MAP3K2: variants seen among roughly 807,000 people sequenced by gnomAD.
MAP3K2 encodes the protein mitogen-activated protein kinase kinase kinase 2.
MAP3K2 carries 24 observed loss-of-function variants against 80.3 expected under a neutral mutation model. The ratio of observed to expected loss-of-function variants is 0.30; its 90% CI spans 0.22 to 0.42. The LOEUF is 0.42. Ranked by LOEUF, MAP3K2 falls within the 10% of genes least tolerant of loss-of-function variation. The probability of loss-of-function intolerance (pLI) is 1.00; values close to 1 mark genes in which losing one functional copy is unlikely to be tolerated. For missense variants in MAP3K2, 608 were observed against 750.1 expected (o/e 0.81, Z 2.21); for synonymous variants, 244 against 253.7 (o/e 0.96, Z 0.36).
chr2:127,378,284 C>A (rs1687183270), intron 1 of MAP3K2: 1 of 258,050 alleles, frequency 3.9e-6, no homozygotes, highest in Non-Finnish European at 6.1e-6. Flanking sequence ...GTTTAAATAT[C>A]TGTATAATAC....
chr2:127,345,459 G>A (rs750955246), intron 1 of MAP3K2, among the ~76,000 whole-genome samples: 15 of 152,096 alleles, frequency 9.9e-5, no homozygotes, highest in Admixed American at 6.6e-4. Flanking sequence ...GTTCAATAAC[G>A]GATAAAATAA....
At position 127,329,965 on chromosome 2, in the gene MAP3K2, T is replaced by C. The variant is rs1453476265; in HGVS notation, c.422A>G (p.Asn141Ser). ...EPLPSLEDLD[N>S]TVFGAERKKR... ...TTTCCTCTCTGCTCCAAATACTGTA[T>C]TATCCAAATCTTCTAGTGATGGCAA... Residue 141 changes from asparagine to serine, a missense_variant, in exon 7 of 17, where the codon AAT (asparagine) becomes AGT (serine). Physicochemically the swap from Asn to Ser is conservative, Grantham distance 46. Around this residue, in one of 4 missense-constraint regions of MAP3K2, gnomAD observed 467 missense variants for 521.9 expected, o/e 0.89. Transcript: ENST00000682094. The C allele has an allele frequency of 1.9e-6, 3 of 1,610,012 alleles. No individual in the cohort carries two copies. In the African/African-American group the frequency reaches 4.0e-5, roughly 22 times the overall value.
At chr2:127,341,532 T>TTTTTTTTTTTGGTTTTTTTGTTGTTG (rs1686489714) in intron 2 of MAP3K2, among the ~76,000 whole-genome samples, 1 of 56,570 alleles carries the variant, frequency 1.8e-5, no homozygotes, top group African/African-American at 5.9e-5. Context: ...TTTTTGTTGT[T>TTTTTTTTTTTGGTTTTTTTGTTGTTG]TTTTTTTTTT....
intron 2 of MAP3K2, among the ~76,000 whole-genome samples, chr2:127,342,385 G>C (rs950322815): frequency 1.5e-4 from 14 of 96,304 alleles, no homozygotes; most frequent in Non-Finnish European, 2.8e-4. Flanking sequence ...AGTTCTTCAT[G>C]AGGGTGTGTG....
intron 1 of MAP3K2, among the ~76,000 whole-genome samples, chr2:127,345,907 G>A (rs1481460682): frequency 1.3e-5 from 2 of 151,794 alleles, no homozygotes; most frequent in Non-Finnish European, 2.9e-5. Context: ...AAACAAGAAG[G>A]ATGTCAAATC....
intron 1 of MAP3K2, among the ~76,000 whole-genome samples, chr2:127,343,816 G>A (rs1183267610): frequency 6.6e-6 from 1 of 152,018 alleles, no homozygotes; most frequent in Non-Finnish European, 1.5e-5. Flanking sequence ...CCAGGAGTTC[G>A]AGACCAGCCT....
In MAP3K2 at chr2:127,338,942, G is replaced by A. The variant is rs772563069; in HGVS notation, c.113C>T (p.Pro38Leu). The change falls in exon 3 of 17, where the codon CCA (proline) becomes CTA (leucine). Residue 38 changes from proline (P) to leucine (L), a missense_variant. Pro to Leu is a moderately conservative substitution (Grantham distance 98). Transcript: ENST00000682094. ...TATTAAAATAAATACCTGTTTTTTT[G>A]GTGATGAAGATTTTGCTTTTCTGGT... ...QETRKAKSSSPKKQNDVRVKF... is the reference protein window; with the variant it reads ...QETRKAKSSSLKKQNDVRVKF... 3.1e-6 allele frequency: 5 copies of A among 1,597,844 alleles called. No homozygotes were observed.
rs146766236 is a variant in MAP3K2 at position 127,365,966 on chromosome 2, C to T, written c.-66+21486G>A. On this transcript the variant is annotated intron_variant, in intron 1 of 16. Transcript: ENST00000682094. ...TCAAGCTTCCTCCCAATCTACTGAC[C>T]AAGAAATCTCTGCAGCTTTCCCTCT... is the stretch of plus-strand genomic sequence containing the variant. Among the ~76,000 whole-genome samples the T allele has an allele frequency of 4.1e-3, 624 of 152,272 alleles. 5 individuals carry two copies. Among genetic ancestry groups the T allele is most frequent in the African/African-American group, 0.014 (581 of 41,548 alleles).
chr2:127,366,078 C>T (rs1463450297), intron 1 of MAP3K2, among the ~76,000 whole-genome samples: 2 of 152,184 alleles, frequency 1.3e-5, no homozygotes, highest in Admixed American at 6.5e-5. Flanking sequence ...ATCAGTTCTG[C>T]ACTGTCCTCC....
chr2:127,353,665 A>AG (rs1686744985), intron 1 of MAP3K2, among the ~76,000 whole-genome samples: 1 of 149,884 alleles, frequency 6.7e-6, no homozygotes, highest in Admixed American at 6.6e-5. Flanking sequence ...CCGGGAGGTG[A>AG]GGGGCGCCTC....
At position 127,330,473 on chromosome 2, in the gene MAP3K2, C is replaced by T; in HGVS notation, c.297G>A (p.Leu99=). 1 of 1,607,196 alleles carries T rather than the reference C, an allele frequency of 6.2e-7. No homozygotes were observed. The highest frequency in any genetic ancestry group is 1.1e-5 in the South Asian group (1 of 90,166). ...LVIPLTTQDD[L]DKAVELLDRS... ...GATCCAGCAGTTCCACAGCTTTGTC[C>T]AAGTCATCTTGAGTAGTTAATGGAA... The change falls in exon 6 of 17, where the codon TTG becomes TTA. Residue 99 remains leucine, a synonymous_variant. Coordinates refer to ENST00000682094, the MANE Select transcript of MAP3K2 (RefSeq NM_001371910.2).
intron 1 of MAP3K2, among the ~76,000 whole-genome samples, chr2:127,373,847 G>T (rs1475924925): frequency 6.6e-6 from 1 of 152,142 alleles, no homozygotes; most frequent in African/African-American, 2.4e-5. Context: ...ATATCATCAG[G>T]ATTCCTTTAA....
intron 1 of MAP3K2, 52 bp from the exon 2 acceptor site, chr2:127,343,246 C>G: frequency 1.4e-6 from 1 of 709,624 alleles, no homozygotes. Flanking sequence ...AGAAAAGGAG[C>G]CAGGAAAAGA....
At chr2:127,325,599 G>A (rs1686117996) in intron 9 of MAP3K2, 129 bp downstream of exon 9, 3 of 638,962 alleles carry the variant, frequency 4.7e-6, no homozygotes, top group Non-Finnish European at 8.2e-6. Context: ...GAGGTGGGAG[G>A]ACTGATGGAG....
chr2:127,385,102 CTG>C, intron 1 of MAP3K2, among the ~76,000 whole-genome samples: 1 of 87,898 alleles, frequency 1.1e-5, no homozygotes, highest in South Asian at 3.9e-4. Flanking sequence ...TTTGAAAGGA[CTG>C]ACTCCAATTT....
At chr2:127,366,552 C>T (rs1482119122) in intron 1 of MAP3K2, among the ~76,000 whole-genome samples, 2 of 151,976 alleles carry the variant, frequency 1.3e-5, no homozygotes, top group Non-Finnish European at 2.9e-5. Context: ...TGTTTTTCCC[C>T]CCATTTGAAG....
At chr2:127,363,690 C>A (rs747229629) in intron 1 of MAP3K2, among the ~76,000 whole-genome samples, 1 of 152,130 alleles carries the variant, frequency 6.6e-6, no homozygotes, top group African/African-American at 2.4e-5. Context: ...TATACAGGAC[C>A]TTTTAAAAAT....
chr2:127,347,053 A>G (rs993120629), intron 1 of MAP3K2, among the ~76,000 whole-genome samples: 15 of 152,002 alleles, frequency 9.9e-5, no homozygotes, highest in African/African-American at 3.6e-4. Context: ...CATACAGAAA[A>G]CACATGTGCC....
chr2:127,387,167 C>G (rs1434147738), intron 1 of MAP3K2, among the ~76,000 whole-genome samples: 1 of 152,142 alleles, frequency 6.6e-6, no homozygotes, highest in Non-Finnish European at 1.5e-5. Flanking sequence ...ATCCCAAGAC[C>G]AGATGCAACC....
Sources: gnomAD v4.1 joint callset for allele counts (sites outside exome capture counted in the v4.1 genomes callset) on GRCh38, gnomAD v4.1.1 for gene constraint, gnomAD v4.1.1 regional missense constraint, MANE v1.5 for transcripts, NCBI Gene and HGNC (gene_info 2026-07-23, HGNC 2026-07-21) for gene names.